The following CSMD2 variants were observed in gnomAD, a reference collection of about 807,000 sequenced individuals.
The protein encoded by CSMD2 is CUB and Sushi multiple domains 2.
In CSMD2, 130 loss-of-function variants were observed where a neutral mutation model predicts 398.5. The observed-to-expected ratio is 0.33, with a 90% confidence interval of 0.28 to 0.38. The LOEUF is 0.38. Ranked by LOEUF, CSMD2 falls within the 10% of genes least tolerant of loss-of-function variation. The probability of loss-of-function intolerance (pLI) is 1.00; values close to 1 mark genes in which losing one functional copy is unlikely to be tolerated. For synonymous variants in CSMD2, 1,828 were observed against 1,908.5 expected, an observed-to-expected ratio of 0.96 and a Z score of 1.10; for missense variants, 3,829 against 4,764.9, an observed-to-expected ratio of 0.80 and a Z score of 5.78.
At chr1:33,829,931 T>C (rs1158091170) in intron 6 of CSMD2, among the ~76,000 whole-genome samples, 1 of 152,146 alleles carries the variant, frequency 6.6e-6, no homozygotes, top group Non-Finnish European at 1.5e-5. Flanking sequence ...GAGATCAAAC[T>C]GCAAGGCAGC....
intron 33 of CSMD2, among the ~76,000 whole-genome samples, chr1:33,626,021 A>G (rs75292932): frequency 0.014 from 2,202 of 152,350 alleles, 57 homozygotes; most frequent in South Asian, 0.049. Flanking sequence ...GTGAGCAAAC[A>G]GGCTCTGAGG....
At chr1:33,885,400 A>T (rs1033727) in intron 5 of CSMD2, 123,536 of 152,174 alleles carry the variant, frequency 0.81, 50,961 homozygotes, top group African/African-American at 0.95. Flanking sequence ...TGAACTTAAG[A>T]CCCAGCCACT....
At chr1:34,099,467 C>G (rs60492227) in intron 1 of CSMD2, among the ~76,000 whole-genome samples, 2,001 of 152,338 alleles carry the variant, frequency 0.013, 52 homozygotes, top group African/African-American at 0.045. Context: ...ACATTCACCA[C>G]CATCTCCAGC....
intron 28 of CSMD2, among the ~76,000 whole-genome samples, chr1:33,647,572 T>C (rs1398858467): frequency 6.6e-6 from 1 of 152,174 alleles, no homozygotes; most frequent in Non-Finnish European, 1.5e-5. Context: ...CAAAATAAAC[T>C]CACACTAACT....
At chr1:34,028,747 A>T (rs796434246) in intron 3 of CSMD2, among the ~76,000 whole-genome samples, 86 of 152,314 alleles carry the variant, frequency 5.6e-4, no homozygotes, top group African/African-American at 2.0e-3. Flanking sequence ...ATGTATGTAA[A>T]GTGCCTGGCA....
chr1:33,827,615 T>C (rs1313344210), intron 6 of CSMD2, among the ~76,000 whole-genome samples: 1 of 152,082 alleles, frequency 6.6e-6, no homozygotes, highest in African/African-American at 2.4e-5. Flanking sequence ...GTTATTTTTG[T>C]CACTCCACAT....
chr1:34,017,308 G>A (rs1315628314), intron 3 of CSMD2, among the ~76,000 whole-genome samples: 2 of 152,314 alleles, frequency 1.3e-5, no homozygotes, highest in African/African-American at 2.4e-5. Context: ...AATGCAGAAC[G>A]AATCCTTATT....
At chr1:33,615,533 G>A (rs1299386767) in intron 39 of CSMD2, among the ~76,000 whole-genome samples, 8 of 152,062 alleles carry the variant, frequency 5.3e-5, no homozygotes, top group Non-Finnish European at 1.2e-4. Flanking sequence ...TGGGACCGTG[G>A]GCAAGTTCAA....
At chr1:34,148,030 G>A (rs112030008) in intron 1 of CSMD2, among the ~76,000 whole-genome samples, 4 of 152,024 alleles carry the variant, frequency 2.6e-5, no homozygotes, top group African/African-American at 9.7e-5. Context: ...GGCCCACAAG[G>A]GCTGGAGCAA....
At chr1:33,979,024 C>T (rs760413624) in intron 3 of CSMD2, among the ~76,000 whole-genome samples, 1 of 152,212 alleles carries the variant, frequency 6.6e-6, no homozygotes, top group Non-Finnish European at 1.5e-5. Context: ...CAGCCATCTC[C>T]ACCCTCCCAT....
chr1:34,161,982 C>A (rs1470395294), intron 1 of CSMD2, among the ~76,000 whole-genome samples: 1 of 151,694 alleles, frequency 6.6e-6, no homozygotes, highest in African/African-American at 2.4e-5. Context: ...ACCAGCCTGA[C>A]CAACATGGAG....
At chr1:33,644,840 GT>G (rs1292496125) in intron 29 of CSMD2, among the ~76,000 whole-genome samples, 1 of 152,118 alleles carries the variant, frequency 6.6e-6, no homozygotes, top group Non-Finnish European at 1.5e-5. Context: ...GGCCCAGGAG[GT>G]TTACCAAATG....
At chr1:33,931,910 C>G (rs1644325121) in intron 4 of CSMD2, among the ~76,000 whole-genome samples, 1 of 152,188 alleles carries the variant, frequency 6.6e-6, no homozygotes, top group African/African-American at 2.4e-5. Flanking sequence ...TGGGGCACAC[C>G]TGCCTACAGA....
chr1:33,674,612 T>C (rs956839144), intron 25 of CSMD2, among the ~76,000 whole-genome samples: 7 of 152,184 alleles, frequency 4.6e-5, no homozygotes, highest in South Asian at 2.1e-4. Context: ...GCAGACCTAA[T>C]AGACATCTTC....
At chr1:34,048,327 C>G (rs939585303) in intron 2 of CSMD2, among the ~76,000 whole-genome samples, 1 of 152,186 alleles carries the variant, frequency 6.6e-6, no homozygotes, top group East Asian at 1.9e-4. Flanking sequence ...CAAGGCAGCC[C>G]TTAAAGTTTG....
chr1:33,836,009 C>T (rs1660212293), intron 6 of CSMD2, among the ~76,000 whole-genome samples: 2 of 152,192 alleles, frequency 1.3e-5, no homozygotes, highest in South Asian at 4.1e-4. Flanking sequence ...TACCTTTGGT[C>T]TTTGATGATG....
intron 5 of CSMD2, among the ~76,000 whole-genome samples, chr1:33,914,250 T>C (rs960327185): frequency 1.3e-5 from 2 of 151,990 alleles, no homozygotes; most frequent in Non-Finnish European, 2.9e-5. Flanking sequence ...GGCTCCTACA[T>C]TGAACTGGAA....
chr1:34,016,516 G>T (rs544596461), intron 3 of CSMD2, among the ~76,000 whole-genome samples: 3 of 152,226 alleles, frequency 2.0e-5, no homozygotes, highest in Admixed American at 2.0e-4. Context: ...GTATTCCATG[G>T]TGTATATGTG....
chr1:33,572,677 G>A lies in CSMD2; in HGVS notation c.7591C>T (p.Leu2531Phe). The A allele has an allele frequency of 1.2e-6, 2 of 1,611,348 alleles. No individual in the cohort carries two copies. The highest frequency in any genetic ancestry group is 1.7e-6 in the Non-Finnish European group (2 of 1,178,030). The change falls in exon 50 of 71, where the codon CTT (leucine) becomes TTT (phenylalanine). Residue 2531 changes from leucine (L) to phenylalanine (F), a missense_variant. Around this residue, in one of 5 missense-constraint regions of CSMD2, gnomAD observed 723 missense variants for 758.6 expected, o/e 0.95. Transcript: ENST00000373381. ...ATTCCATTCTTGGGGGCCTCAGGAA[G>A]CCCACAGGAAAGAGCTAGCAAAAGG... ...IPLCQALSCGLPEAPKNGMVF... is the reference protein window; with the variant it reads ...IPLCQALSCGFPEAPKNGMVF...
Sources: gnomAD v4.1 joint callset for allele counts (sites outside exome capture counted in the v4.1 genomes callset) on GRCh38, gnomAD v4.1.1 for gene constraint, gnomAD v4.1.1 regional missense constraint, MANE v1.5 for transcripts, NCBI Gene and HGNC (gene_info 2026-07-23, HGNC 2026-07-21) for gene names.